NEGR1: variants seen among roughly 807,000 people sequenced by gnomAD.
The protein encoded by NEGR1 is neuronal growth regulator 1, also known as IgLON family member 4.
Under a neutral mutation model 40.9 loss-of-function variants are expected in NEGR1, and 10 were observed. The observed-to-expected ratio is 0.24, with a 90% CI of 0.15 to 0.42. The LOEUF (loss-of-function observed/expected upper bound fraction) is 0.42, where lower values mean the gene tolerates loss of function less well. Among genes scored for constraint, NEGR1 ranks in the 10% least tolerant of loss-of-function variants. The probability of loss-of-function intolerance (pLI) is 1.00; values close to 1 mark genes in which losing one functional copy is unlikely to be tolerated. For synonymous variants in NEGR1, 185 were observed against 166.8 expected, an observed-to-expected ratio of 1.11 and a Z score of -0.84; for missense variants, 352 against 438.9, an observed-to-expected ratio of 0.80 and a Z score of 1.77.
chr1:71,468,910 C>T (rs1646764967), intron 6 of NEGR1: 1 of 151,930 alleles, frequency 6.6e-6, no homozygotes, highest in Non-Finnish European at 1.5e-5. Context: ...ATTAAATATT[C>T]AAGAAACTGA....
chr1:71,603,655 C>G (rs1649992213), intron 5 of NEGR1, among the ~76,000 whole-genome samples: 1 of 152,074 alleles, frequency 6.6e-6, no homozygotes, highest in Non-Finnish European at 1.5e-5. Flanking sequence ...AACTACCATA[C>G]TTTACAATAG....
intron 6 of NEGR1, among the ~76,000 whole-genome samples, chr1:71,531,352 A>G (rs72938083): frequency 0.04 from 6,101 of 151,436 alleles, 406 homozygotes; most frequent in African/African-American, 0.14. Flanking sequence ...TAGGGCAATG[A>G]CCAAAAAAGG....
intron 1 of NEGR1, among the ~76,000 whole-genome samples, chr1:72,007,675 A>G (rs1488185471): frequency 1.3e-5 from 2 of 152,202 alleles, no homozygotes; most frequent in Non-Finnish European, 2.9e-5. Context: ...AAAAAAAATC[A>G]TTTACTATAA....
At chr1:71,964,369 A>T (rs1297971795) in intron 1 of NEGR1, among the ~76,000 whole-genome samples, 1 of 152,102 alleles carries the variant, frequency 6.6e-6, no homozygotes, top group Non-Finnish European at 1.5e-5. Flanking sequence ...CACTTTGGTG[A>T]TGTTCACTCT....
chr1:71,489,100 G>A (rs951216319), intron 6 of NEGR1, among the ~76,000 whole-genome samples: 1 of 151,660 alleles, frequency 6.6e-6, no homozygotes, highest in Non-Finnish European at 1.5e-5. Flanking sequence ...ATTGTATGTA[G>A]TCTTGGTGGA....
At chr1:71,758,099 G>T (rs1310214110) in intron 3 of NEGR1, among the ~76,000 whole-genome samples, 1 of 151,930 alleles carries the variant, frequency 6.6e-6, no homozygotes, top group Non-Finnish European at 1.5e-5. Flanking sequence ...ATATACTCAG[G>T]CTAACACATG....
chr1:71,967,117 T>C (rs977510382), intron 1 of NEGR1, among the ~76,000 whole-genome samples: 1 of 152,154 alleles, frequency 6.6e-6, no homozygotes, highest in African/African-American at 2.4e-5. Context: ...AAACAAAGAT[T>C]TCTTCACTGA....
chr1:72,035,022 A>G (rs1039678291), intron 1 of NEGR1, among the ~76,000 whole-genome samples: 11 of 152,188 alleles, frequency 7.2e-5, no homozygotes, highest in East Asian at 1.9e-4. Flanking sequence ...CCACATGTAC[A>G]GGCATTATGG....
At chr1:72,143,744 A>C (rs1650771443) in intron 1 of NEGR1, among the ~76,000 whole-genome samples, 1 of 149,700 alleles carries the variant, frequency 6.7e-6, no homozygotes, top group Admixed American at 6.7e-5. Flanking sequence ...TAAATAGAAA[A>C]ATTTTGATCT....
intron 1 of NEGR1, among the ~76,000 whole-genome samples, chr1:72,041,358 A>T (rs1416045128): frequency 2.7e-5 from 4 of 150,444 alleles, no homozygotes; most frequent in Non-Finnish European, 4.4e-5. Flanking sequence ...TGGTGTCTTT[A>T]TTATAAATAT....
chr1:72,235,993 T>C (rs1360384997), intron 1 of NEGR1, among the ~76,000 whole-genome samples: 1 of 152,086 alleles, frequency 6.6e-6, no homozygotes, highest in East Asian at 1.9e-4. Flanking sequence ...TGTATGTTTA[T>C]TGCAGCACTG....
At chr1:71,652,605 C>T (rs895465847) in intron 4 of NEGR1, among the ~76,000 whole-genome samples, 60 of 152,254 alleles carry the variant, frequency 3.9e-4, no homozygotes, top group African/African-American at 1.3e-3. Context: ...GGTGTGGTGG[C>T]TCACGCGTAT....
In NEGR1 at chr1:71,412,831, C is replaced by G. The variant is rs535425234; in HGVS notation, c.941-5261G>C. Among the ~76,000 whole-genome samples, 110 of 151,906 alleles carry G rather than the reference C, an allele frequency of 7.2e-4. No homozygotes were observed. The South Asian group carries it at 0.022, about 31-fold the overall frequency. ...TAAAACTAACAGAGAGAATACGCAG[C>G]CCTTTAACAATGTATTAGATTGTAT... is the stretch of plus-strand genomic sequence containing the variant. On this transcript the variant is annotated intron_variant, in intron 6 of 6. Coordinates refer to ENST00000357731, the MANE Select transcript of NEGR1 (RefSeq NM_173808.3).
At chr1:71,826,519 C>T (rs1304977748) in intron 2 of NEGR1, among the ~76,000 whole-genome samples, 1 of 151,774 alleles carries the variant, frequency 6.6e-6, no homozygotes, top group Non-Finnish European at 1.5e-5. Flanking sequence ...TTTACCTGAA[C>T]AATTTGCAAA....
chr1:72,271,915 C>T (rs1035740371), intron 1 of NEGR1, among the ~76,000 whole-genome samples: 1 of 151,784 alleles, frequency 6.6e-6, no homozygotes, highest in African/African-American at 2.4e-5. Flanking sequence ...CTTCCTGCCA[C>T]CATGTAAGAA....
chr1:71,682,472 C>T (rs1652871450), intron 4 of NEGR1, among the ~76,000 whole-genome samples: 1 of 152,130 alleles, frequency 6.6e-6, no homozygotes. Flanking sequence ...ATTTTTACCT[C>T]AAAGATATTC....
intron 5 of NEGR1, among the ~76,000 whole-genome samples, chr1:71,593,787 C>A (rs540094171): frequency 6.6e-6 from 1 of 152,250 alleles, no homozygotes; most frequent in South Asian, 2.1e-4. Flanking sequence ...ATCTCTTGTA[C>A]CTTCTATTTC....
At position 72,201,761 on chromosome 1, in the gene NEGR1, T is replaced by G. The variant is rs568333755; in HGVS notation, c.176+80558A>C. Among the ~76,000 whole-genome samples the G allele has an allele frequency of 1.1e-3, 162 of 152,072 alleles. 1 individual carries two copies. The highest frequency in any genetic ancestry group is 3.6e-3 in the African/African-American group (150 of 41,538). On this transcript the variant is annotated intron_variant, in intron 1 of 6. Coordinates refer to ENST00000357731, the MANE Select transcript of NEGR1 (RefSeq NM_173808.3). Reference sequence around the variant, plus strand: ...TCCTATTTCATGTCTAAAAGTTGATTAAATTTATCTTAATGAAACATGTAA... The same window carrying G: ...TCCTATTTCATGTCTAAAAGTTGATGAAATTTATCTTAATGAAACATGTAA...
At chr1:71,501,728 T>C (rs1293574744) in intron 6 of NEGR1, among the ~76,000 whole-genome samples, 3 of 152,150 alleles carry the variant, frequency 2.0e-5, no homozygotes, top group Non-Finnish European at 4.4e-5. Flanking sequence ...TTCATAAAAT[T>C]ATAAACAAGA....
Sources: allele counts gnomAD v4.1 joint callset (sites outside exome capture counted in the v4.1 genomes callset), GRCh38; gene constraint gnomAD v4.1.1; transcripts MANE v1.5; gene names NCBI Gene and HGNC (gene_info 2026-07-23, HGNC 2026-07-21).